The following FSD1L variants were observed in gnomAD, a reference collection of about 807,000 sequenced individuals.
The protein encoded by FSD1L is FSD1-like protein.
Under a neutral mutation model 71.6 loss-of-function variants are expected in FSD1L, and 45 were observed. The observed-to-expected ratio is 0.63, with a 90% CI of 0.49 to 0.81. The LOEUF is 0.81. FSD1L is among the 30% of genes least tolerant of loss of function. The probability of loss-of-function intolerance (pLI) is 0.00; values close to 1 mark genes in which losing one functional copy is unlikely to be tolerated. For missense variants in FSD1L, 561 were observed against 618.1 expected (o/e 0.91, Z 0.98); for synonymous variants, 197 against 207.2 (o/e 0.95, Z 0.42).
In FSD1L at chr9:105,521,909, T is replaced by A. The variant is rs189114275; in HGVS notation, c.1025+8973T>A. The A allele has an allele frequency of 2.0e-4, 325 of 1,612,438 alleles. No homozygotes were observed. The African/African-American group carries it at 3.9e-3, about 19-fold the overall frequency. On this transcript the variant is annotated intron_variant, in intron 10 of 13. Coordinates refer to ENST00000481272, the MANE Select transcript of FSD1L (RefSeq NM_001145313.3). ...CAAATGAAATAAAAAATCTTCTGGA[T>A]GAACACACAGATATGTGTAAACGCA...
intron 10 of FSD1L, among the ~76,000 whole-genome samples, chr9:105,527,631 G>A (rs569890268): frequency 5.9e-5 from 9 of 151,384 alleles, no homozygotes; most frequent in South Asian, 4.2e-4. Flanking sequence ...TATCATTCAC[G>A]TAGTATCTAT....
chr9:105,500,347 G>A (rs754826834), intron 7 of FSD1L, among the ~76,000 whole-genome samples: 1 of 152,146 alleles, frequency 6.6e-6, no homozygotes, highest in Non-Finnish European at 1.5e-5. Flanking sequence ...CCTCTGGACC[G>A]TGAACTTTGC....
chr9:105,474,375 G>A (rs1287079975), intron 5 of FSD1L, among the ~76,000 whole-genome samples: 1 of 152,222 alleles, frequency 6.6e-6, no homozygotes, highest in African/African-American at 2.4e-5. Context: ...GTATCTGTCA[G>A]TGTTTCCTAG....
intron 1 of FSD1L, among the ~76,000 whole-genome samples, chr9:105,459,749 A>G (rs1302350761): frequency 2.0e-5 from 3 of 152,190 alleles, no homozygotes; most frequent in Non-Finnish European, 2.9e-5. Flanking sequence ...CTTTGAAAAT[A>G]TAGATGATCT....
At chr9:105,486,977 G>A (rs924822429) in intron 7 of FSD1L, among the ~76,000 whole-genome samples, 4 of 152,024 alleles carry the variant, frequency 2.6e-5, no homozygotes, top group African/African-American at 7.2e-5. Flanking sequence ...AATTTTTGGC[G>A]ATATCATGTG....
intron 13 of FSD1L, among the ~76,000 whole-genome samples, chr9:105,541,277 G>A (rs1589113414): frequency 7.3e-6 from 1 of 137,410 alleles, no homozygotes; most frequent in East Asian, 2.1e-4. Context: ...AGGGAGGGTT[G>A]TTTCTTTTTC....
In FSD1L at chr9:105,520,449, C is replaced by T. The variant is rs1835072681; in HGVS notation, c.1025+7513C>T. 4 of 1,053,462 alleles carry T rather than the reference C, an allele frequency of 3.8e-6. No individual in the cohort carries two copies. In the African/African-American group the frequency reaches 4.6e-5, roughly 12 times the overall value. 65.3% of individuals were successfully genotyped at this position (1,053,462 alleles called of 1,614,324 possible). A position where few individuals can be genotyped will look rare whatever the true frequency, so the allele number is the denominator to read the frequency against. ...TGTTCTTTGAAAATTTTGTGACTAT[C>T]GAAGCTAGTCTTAAACAGAAAGGTC... On this transcript the variant is annotated intron_variant, in intron 10 of 13. Transcript: ENST00000481272.
chr9:105,487,663 T>C (rs1192571759), intron 7 of FSD1L, among the ~76,000 whole-genome samples: 2 of 152,146 alleles, frequency 1.3e-5, no homozygotes, highest in Non-Finnish European at 2.9e-5. Flanking sequence ...ATGTGGTGTA[T>C]ATCCTTGCTC....
chr9:105,529,676 G>A (rs900069565), intron 10 of FSD1L, among the ~76,000 whole-genome samples: 1 of 151,826 alleles, frequency 6.6e-6, no homozygotes, highest in African/African-American at 2.4e-5. Flanking sequence ...GTAGGTGACC[G>A]GTTGATGAGT....
chr9:105,481,141 C>CTGTGTGTGTGTGTG (rs376069658), intron 6 of FSD1L, among the ~76,000 whole-genome samples: 1,654 of 81,528 alleles, frequency 0.02, 84 homozygotes, highest in African/African-American at 0.05. Context: ...CAGGCAAACT[C>CTGTGTGTGTGTGTG]TGTGTGTGTG....
At chr9:105,489,255 G>A (rs566182409) in intron 7 of FSD1L, among the ~76,000 whole-genome samples, 9 of 152,018 alleles carry the variant, frequency 5.9e-5, no homozygotes, top group African/African-American at 1.9e-4. Flanking sequence ...CTTTTTTGGG[G>A]CCCACTGATC....
intron 10 of FSD1L, among the ~76,000 whole-genome samples, chr9:105,515,218 C>G (rs1448806783): frequency 6.6e-6 from 1 of 152,156 alleles, no homozygotes; most frequent in African/African-American, 2.4e-5. Flanking sequence ...CCTGAAAGAT[C>G]ACATACAGGG....
intron 3 of FSD1L, among the ~76,000 whole-genome samples, chr9:105,466,749 G>C (rs1831108011): frequency 6.6e-6 from 1 of 152,056 alleles, no homozygotes; most frequent in Admixed American, 6.6e-5. Context: ...TGGAAAATTG[G>C]TGAATCAGCT....
chr9:105,502,218 GATA>G lies in FSD1L; in HGVS notation c.587-4178_587-4176del, dbSNP rs977702454. Among the ~76,000 whole-genome samples the G allele has an allele frequency of 2.1e-3, 313 of 152,224 alleles. 1 individual carries two copies. Among genetic ancestry groups the G allele is most frequent in the African/African-American group, 7.2e-3 (301 of 41,538 alleles). On this transcript the variant is annotated intron_variant, in intron 7 of 13. Transcript: ENST00000481272. ...TTGACATCTTTGAGCCCCTAATAAAGATAATGATAATATAAAGTTTATGGTATT... is the reference window on the plus strand; with the variant it reads ...TTGACATCTTTGAGCCCCTAATAAAGATGATAATATAAAGTTTATGGTATT...
chr9:105,468,924 A>T (rs1467336062), intron 4 of FSD1L, among the ~76,000 whole-genome samples: 1 of 152,154 alleles, frequency 6.6e-6, no homozygotes, highest in African/African-American at 2.4e-5. Context: ...CTTGATCAAC[A>T]ACTTATTTCC....
In FSD1L at chr9:105,471,490, C is replaced by T. The variant is rs575681252; in HGVS notation, c.340-414C>T. ...TTCATCTTTAGAGCAGGAACCTTGC[C>T]ATTTAGGTTTAGAAAAATACTTCCT... On this transcript the variant is annotated intron_variant, in intron 4 of 13. Transcript: ENST00000481272. Among the ~76,000 whole-genome samples the T allele has an allele frequency of 7.9e-5, 12 of 152,088 alleles. No homozygotes were observed. In the South Asian group the frequency reaches 2.1e-3, roughly 26 times the overall value.
intron 13 of FSD1L, among the ~76,000 whole-genome samples, chr9:105,540,206 A>T (rs1836522595): frequency 6.6e-6 from 1 of 152,028 alleles, no homozygotes; most frequent in South Asian, 2.1e-4. Context: ...TTTTGGTTTT[A>T]ATTTGCATTT....
chr9:105,534,650 C>A, intron 11 of FSD1L, 57 bp downstream of exon 11: 1 of 997,710 alleles, frequency 1.0e-6, no homozygotes, highest in Non-Finnish European at 1.5e-6. Context: ...CACAATCACA[C>A]TGGTGGACTT....
chr9:105,484,555 A>C (rs2131708991), intron 7 of FSD1L, 53 bp downstream of exon 7: 1 of 1,282,964 alleles, frequency 7.8e-7, no homozygotes, highest in East Asian at 3.0e-5. Context: ...TTTTTTCTAC[A>C]AGATTTTTTT....
Sources: gnomAD v4.1 joint callset for allele counts (sites outside exome capture counted in the v4.1 genomes callset) on GRCh38, gnomAD v4.1.1 for gene constraint, MANE v1.5 for transcripts, NCBI Gene and HGNC (gene_info 2026-07-23, HGNC 2026-07-21) for gene names.